The following RALGAPA2 variants were observed in gnomAD, a reference collection of about 807,000 sequenced individuals.
The protein encoded by RALGAPA2 is ral GTPase-activating protein subunit alpha-2.
Under a neutral mutation model 230.4 loss-of-function variants are expected in RALGAPA2, and 139 were observed. The ratio of observed to expected loss-of-function variants is 0.60; its 90% confidence interval spans 0.53 to 0.69. The LOEUF (loss-of-function observed/expected upper bound fraction) is 0.69. Among genes scored for constraint, RALGAPA2 ranks in the 30% least tolerant of loss-of-function variants. The probability of loss-of-function intolerance (pLI) is 0.00; values close to 1 mark genes in which losing one functional copy is unlikely to be tolerated. For missense variants in RALGAPA2, 2,163 were observed against 2,276.0 expected, an observed-to-expected ratio of 0.95 and a Z score of 1.01; for synonymous variants, 847 against 837.8, an observed-to-expected ratio of 1.01 and a Z score of -0.19.
intron 36 of RALGAPA2, among the ~76,000 whole-genome samples, chr20:20,493,652 A>G (rs963139928): frequency 1.3e-5 from 2 of 152,216 alleles, no homozygotes; most frequent in African/African-American, 4.8e-5. Context: ...CAATTAATCC[A>G]TACTAAATAT....
chr20:20,710,192 A>C (rs909698595), intron 1 of RALGAPA2, among the ~76,000 whole-genome samples: 1 of 152,194 alleles, frequency 6.6e-6, no homozygotes, highest in Non-Finnish European at 1.5e-5. Context: ...TGAAGATAAA[A>C]TATATGAAAA....
At chr20:20,627,475 T>A (rs1390823587) in intron 10 of RALGAPA2, among the ~76,000 whole-genome samples, 1 of 152,230 alleles carries the variant, frequency 6.6e-6, no homozygotes, top group Non-Finnish European at 1.5e-5. Flanking sequence ...CCACCTTGTC[T>A]ACATTGTTCA....
In RALGAPA2 at chr20:20,613,636, T is replaced by C. The variant is rs534661691; in HGVS notation, c.1689-2210A>G. Among the ~76,000 whole-genome samples the C allele has an allele frequency of 1.7e-3, 260 of 152,210 alleles. 2 individuals are homozygous for C. The highest frequency in any genetic ancestry group is 5.7e-3 in the African/African-American group (237 of 41,544). ...GCCTCCTCCCCTCTCACGCTCCCTC[T>C]CACTCCATCTACTCCACCACATTGG... is the stretch of plus-strand genomic sequence containing the variant. On this transcript the variant is annotated intron_variant, in intron 13 of 39. Coordinates refer to ENST00000202677, the MANE Select transcript of RALGAPA2 (RefSeq NM_020343.4).
At chr20:20,507,400 T>A (rs2062566081) in intron 33 of RALGAPA2, among the ~76,000 whole-genome samples, 1 of 152,214 alleles carries the variant, frequency 6.6e-6, no homozygotes, top group African/African-American at 2.4e-5. Flanking sequence ...TGGAGTGCAA[T>A]GGCGTGATCT....
chr20:20,602,379 A>G (rs547095782), intron 15 of RALGAPA2, among the ~76,000 whole-genome samples: 2 of 152,376 alleles, frequency 1.3e-5, no homozygotes, highest in Non-Finnish European at 2.9e-5. Flanking sequence ...GCAAAGGTCC[A>G]AAACAATAAA....
In RALGAPA2 at chr20:20,638,815, A is replaced by G. The variant is rs557734129; in HGVS notation, c.666+970T>C. Reference sequence around the variant, plus strand: ...TGTGTTTCTGTTGCTGGCTAAAGGCAAAGGGGCAAGGAAAGGGGACAAAAT... The same window carrying G: ...TGTGTTTCTGTTGCTGGCTAAAGGCGAAGGGGCAAGGAAAGGGGACAAAAT... On this transcript the variant is annotated intron_variant, in intron 7 of 39. Coordinates refer to ENST00000202677, the MANE Select transcript of RALGAPA2 (RefSeq NM_020343.4). Among the ~76,000 whole-genome samples the G allele has an allele frequency of 1.1e-4, 16 of 152,304 alleles. No homozygotes were observed. In the South Asian group the frequency reaches 3.3e-3, roughly 32 times the overall value.
At chr20:20,637,801 T>G (rs1269845552) in intron 7 of RALGAPA2, among the ~76,000 whole-genome samples, 1 of 152,244 alleles carries the variant, frequency 6.6e-6, no homozygotes, top group African/African-American at 2.4e-5. Flanking sequence ...CTCTACGTTT[T>G]TTGTAATTAT....
chr20:20,599,762 CAGG>C (rs993815804), intron 16 of RALGAPA2, among the ~76,000 whole-genome samples: 4 of 152,262 alleles, frequency 2.6e-5, no homozygotes, highest in African/African-American at 9.6e-5. Context: ...CACCTGAGAT[CAGG>C]AGTTCAAGAC....
chr20:20,625,164 C>A (rs979148791), intron 10 of RALGAPA2, among the ~76,000 whole-genome samples: 8 of 152,186 alleles, frequency 5.3e-5, no homozygotes, highest in Non-Finnish European at 1.2e-4. Context: ...CACCTGCCTG[C>A]CAGTTTGCTG....
intron 8 of RALGAPA2, 68 bp from the exon 9 acceptor site, chr20:20,635,685 GTT>G: frequency 7.5e-7 from 1 of 1,327,680 alleles, no homozygotes; most frequent in South Asian, 1.5e-5. Context: ...CCCTACAAAT[GTT>G]TTGGTTTCCA....
At chr20:20,563,466 AT>A (rs2064316831) in intron 23 of RALGAPA2, among the ~76,000 whole-genome samples, 1 of 152,220 alleles carries the variant, frequency 6.6e-6, no homozygotes, top group Non-Finnish European at 1.5e-5. Flanking sequence ...GAATTAGAAA[AT>A]ATGTTCTCTT....
At chr20:20,413,873 T>C (rs1200982249) in intron 37 of RALGAPA2, among the ~76,000 whole-genome samples, 2 of 152,264 alleles carry the variant, frequency 1.3e-5, no homozygotes, top group Admixed American at 1.3e-4. Context: ...CTCGCCTTAA[T>C]GAACAGGCTG....
In RALGAPA2 at chr20:20,437,609, C is replaced by A. The variant is rs575974765; in HGVS notation, c.5496-25461G>T. Among the ~76,000 whole-genome samples the A allele has an allele frequency of 6.6e-6, 1 of 152,318 alleles. No homozygotes were observed. Among genetic ancestry groups the A allele is most frequent in the South Asian group, 2.1e-4 (1 of 4,820 alleles). On this transcript the variant is annotated intron_variant, in intron 37 of 39. Transcript: ENST00000202677. The surrounding 1 kb of genome is among the most constrained non-coding windows in gnomAD (Gnocchi z 4.1). ...ACTTCACACACACGATGTGTGTGTG[C>A]TGTGCCCTCTGCCTGGGATGCTCTT...
At chr20:20,561,941 A>C (rs1480098031) in intron 23 of RALGAPA2, among the ~76,000 whole-genome samples, 1 of 152,196 alleles carries the variant, frequency 6.6e-6, no homozygotes, top group African/African-American at 2.4e-5. Context: ...TATGACAACC[A>C]AAAGTGTGTC....
At chr20:20,532,012 A>T (rs2063380608) in intron 26 of RALGAPA2, among the ~76,000 whole-genome samples, 1 of 152,236 alleles carries the variant, frequency 6.6e-6, no homozygotes, top group South Asian at 2.1e-4. Context: ...GTACTTAAAT[A>T]TTTAATTAAA....
chr20:20,682,247 AG>A (rs2068546506), intron 1 of RALGAPA2, among the ~76,000 whole-genome samples: 1 of 152,218 alleles, frequency 6.6e-6, no homozygotes, highest in Admixed American at 6.5e-5. Context: ...ATTCCTAGCA[AG>A]GAACAAATTT....
intron 36 of RALGAPA2, among the ~76,000 whole-genome samples, chr20:20,481,006 C>A (rs904902843): frequency 6.6e-6 from 1 of 152,184 alleles, no homozygotes; most frequent in Non-Finnish European, 1.5e-5. Context: ...TAAAGAAGTA[C>A]AGTGCTCAGG....
At chr20:20,462,160 G>C (rs2061317341) in intron 37 of RALGAPA2, among the ~76,000 whole-genome samples, 1 of 152,174 alleles carries the variant, frequency 6.6e-6, no homozygotes, top group South Asian at 2.1e-4. Flanking sequence ...TCATTTTTGT[G>C]ATTCTGATGA....
At chr20:20,565,264 T>C (rs982148157) in intron 23 of RALGAPA2, among the ~76,000 whole-genome samples, 3 of 152,348 alleles carry the variant, frequency 2.0e-5, no homozygotes, top group Admixed American at 2.0e-4. Context: ...AAATATACTT[T>C]GAAATTTATG....
Sources: allele counts gnomAD v4.1 joint callset (sites outside exome capture counted in the v4.1 genomes callset), GRCh38; gene constraint gnomAD v4.1.1; non-coding constraint Gnocchi (gnomAD v3.1); transcripts MANE v1.5; gene names NCBI Gene and HGNC (gene_info 2026-07-23, HGNC 2026-07-21).